Variants in FIGN observed in about 807,000 individuals in gnomAD.
The protein encoded by FIGN is fidgetin, microtubule severing factor, also known as fidgetin.
FIGN carries 11 observed loss-of-function variants against 51.3 expected under a neutral mutation model. That is an observed-to-expected ratio of 0.21 (90% confidence interval 0.13 to 0.35). The LOEUF is 0.35. FIGN is among the 10% of genes least tolerant of loss of function. The probability of loss-of-function intolerance (pLI) is 1.00; values close to 1 mark genes in which losing one functional copy is unlikely to be tolerated. For synonymous variants in FIGN, 407 were observed against 363.2 expected, an observed-to-expected ratio of 1.12 and a Z score of -1.37; for missense variants, 857 against 943.6, an observed-to-expected ratio of 0.91 and a Z score of 1.20.
chr2:163,610,279 A>G lies in FIGN; in HGVS notation c.1553T>C (p.Leu518Ser). 1.9e-6 allele frequency: 3 copies of G among 1,614,156 alleles called. No individual in the cohort carries two copies. The highest frequency in any genetic ancestry group is 2.5e-6 in the Non-Finnish European group (3 of 1,180,032). The change falls in exon 3 of 3, where the codon TTA becomes TCA. Residue 518 changes from leucine to serine, a missense_variant. By Grantham distance (145) the Leu-to-Ser change is moderately radical. Around this residue, in one of 3 missense-constraint regions of FIGN, gnomAD observed 799 missense variants for 849.5 expected, o/e 0.94. Transcript: ENST00000333129. Reference protein sequence around the residue: ...RSDAFSGLTALPRSILLFGPR... With the variant: ...RSDAFSGLTASPRSILLFGPR... ...TCCAAATAAAAGGATGCTCCGAGGTAAGGCCGTCAGTCCACTGAACGCGTC... is the reference window on the plus strand; with the variant it reads ...TCCAAATAAAAGGATGCTCCGAGGTGAGGCCGTCAGTCCACTGAACGCGTC...
chr2:163,701,015 T>C (rs1573959389), intron 2 of FIGN, among the ~76,000 whole-genome samples: 2 of 152,278 alleles, frequency 1.3e-5, no homozygotes, highest in South Asian at 4.1e-4. Flanking sequence ...TTTCTTATAG[T>C]ACAATTACTA....
chr2:163,619,819 T>G (rs1682938185), intron 2 of FIGN, among the ~76,000 whole-genome samples: 1 of 152,066 alleles, frequency 6.6e-6, no homozygotes, highest in Admixed American at 6.6e-5. Flanking sequence ...CCTTAAAATT[T>G]CCTATACTTA....
intron 2 of FIGN, among the ~76,000 whole-genome samples, chr2:163,698,879 A>C (rs112911682): frequency 2.6e-5 from 4 of 152,154 alleles, no homozygotes; most frequent in African/African-American, 7.2e-5. Context: ...CGTTTCTTAA[A>C]AGGGAGGCTT....
intron 2 of FIGN, among the ~76,000 whole-genome samples, chr2:163,641,436 C>T (rs2119289): frequency 6.6e-6 from 1 of 152,094 alleles, no homozygotes; most frequent in Non-Finnish European, 1.5e-5. Context: ...GGAATTTGTA[C>T]GCCATTAGTT....
At chr2:163,643,632 C>T (rs1683337326) in intron 2 of FIGN, among the ~76,000 whole-genome samples, 1 of 143,570 alleles carries the variant, frequency 7.0e-6, no homozygotes. Flanking sequence ...GCCTGGGCGA[C>T]AGAGCTAGAC....
chr2:163,688,685 G>A (rs1045604902), intron 2 of FIGN, among the ~76,000 whole-genome samples: 1 of 152,074 alleles, frequency 6.6e-6, no homozygotes, highest in Admixed American at 6.6e-5. Flanking sequence ...CATTGTTTGT[G>A]GACTACCCAG....
chr2:163,710,525 G>C (rs2105356295), intron 2 of FIGN, among the ~76,000 whole-genome samples: 1 of 152,358 alleles, frequency 6.6e-6, no homozygotes, highest in East Asian at 1.9e-4. Flanking sequence ...CAAATGGCAG[G>C]TGGAAATGTG....
chr2:163,723,254 A>C (rs1684788161), intron 2 of FIGN, among the ~76,000 whole-genome samples: 1 of 152,152 alleles, frequency 6.6e-6, no homozygotes, highest in South Asian at 2.1e-4. Flanking sequence ...ATAGTTTCCT[A>C]TGCTTTTATC....
intron 2 of FIGN, among the ~76,000 whole-genome samples, chr2:163,681,768 T>C (rs1411738114): frequency 6.6e-6 from 1 of 152,220 alleles, no homozygotes. Flanking sequence ...TTGAATACTT[T>C]TCCAGGGAAA....
chr2:163,691,673 A>T (rs1684241839), intron 2 of FIGN, among the ~76,000 whole-genome samples: 1 of 152,178 alleles, frequency 6.6e-6, no homozygotes, highest in Non-Finnish European at 1.5e-5. Flanking sequence ...AATTTGGTTA[A>T]CAAATATTTC....
intron 2 of FIGN, among the ~76,000 whole-genome samples, chr2:163,702,863 G>A (rs1214556988): frequency 1.3e-5 from 2 of 151,858 alleles, no homozygotes; most frequent in South Asian, 2.1e-4. Context: ...ATAATAAAAT[G>A]GTAATAAAAA....
At position 163,634,794 on chromosome 2, in the gene FIGN, T is replaced by C. The variant is rs146324277; in HGVS notation, c.26-22988A>G. On this transcript the variant is annotated intron_variant, in intron 2 of 2. Transcript: ENST00000333129. ...AGTGTTATAACTCTCTTATAATAAATCGCTAGGTAAGAATTCCTCAGCCAA... is the reference window on the plus strand; with the variant it reads ...AGTGTTATAACTCTCTTATAATAAACCGCTAGGTAAGAATTCCTCAGCCAA... 8.7e-4 allele frequency among the ~76,000 whole-genome samples: 133 copies of C among 152,312 alleles called. 1 individual carries two copies. The East Asian group carries it at 0.018, about 20-fold the overall frequency.
At chr2:163,633,606 T>G (rs986831896) in intron 2 of FIGN, among the ~76,000 whole-genome samples, 1 of 152,188 alleles carries the variant, frequency 6.6e-6, no homozygotes, top group Non-Finnish European at 1.5e-5. Flanking sequence ...CTAACTAGCA[T>G]TGACAGAGTC....
chr2:163,699,360 A>G (rs1463053565), intron 2 of FIGN, among the ~76,000 whole-genome samples: 2 of 152,176 alleles, frequency 1.3e-5, no homozygotes, highest in Non-Finnish European at 1.5e-5. Flanking sequence ...TTTTTCTTAA[A>G]AAGTGACATG....
intron 2 of FIGN, among the ~76,000 whole-genome samples, chr2:163,686,734 A>T (rs1684155129): frequency 6.6e-6 from 1 of 151,542 alleles, no homozygotes; most frequent in Non-Finnish European, 1.5e-5. Context: ...CCCAAATCAT[A>T]TACCTGTGTT....
chr2:163,662,880 G>T (rs2105328719), intron 2 of FIGN, among the ~76,000 whole-genome samples: 1 of 152,306 alleles, frequency 6.6e-6, no homozygotes, highest in East Asian at 1.9e-4. Flanking sequence ...AGGGATTTCT[G>T]CTTTTGCTTC....
chr2:163,662,245 G>T (rs1415165127), intron 2 of FIGN, among the ~76,000 whole-genome samples: 1 of 152,188 alleles, frequency 6.6e-6, no homozygotes. Context: ...GAGACTGGTG[G>T]CATTTTGTGC....
chr2:163,612,260 A>G (rs1161865637), intron 2 of FIGN: 4 of 945,676 alleles, frequency 4.2e-6, no homozygotes, highest in Non-Finnish European at 5.0e-6. Flanking sequence ...GTCTGTTCAC[A>G]TCACAGTTTG....
At chr2:163,647,079 T>C (rs1346995386) in intron 2 of FIGN, among the ~76,000 whole-genome samples, 3 of 152,182 alleles carry the variant, frequency 2.0e-5, no homozygotes, top group Admixed American at 6.5e-5. Context: ...GGTTAGAAAA[T>C]GGCATAAGCC....
Sources: allele counts gnomAD v4.1 joint callset (sites outside exome capture counted in the v4.1 genomes callset), GRCh38; gene constraint gnomAD v4.1.1; regional missense constraint gnomAD v4.1.1; transcripts MANE v1.5; gene names NCBI Gene and HGNC (gene_info 2026-07-23, HGNC 2026-07-21).